The following IL16 variants were observed in gnomAD, a reference collection of about 807,000 sequenced individuals.
IL16 encodes the protein interleukin 16.
Under a neutral mutation model 110.1 loss-of-function variants are expected in IL16, and 67 were observed. The ratio of observed to expected loss-of-function variants is 0.61; its 90% CI spans 0.50 to 0.75. The LOEUF (loss-of-function observed/expected upper bound fraction) is 0.75, where lower values mean the gene tolerates loss of function less well. Among genes scored for constraint, IL16 ranks in the 30% least tolerant of loss-of-function variants. IL16 has a pLI of 0.00. For missense variants in IL16, 1,545 were observed against 1,655.0 expected, an observed-to-expected ratio of 0.93 and a Z score of 1.15; for synonymous variants, 689 against 662.9, an observed-to-expected ratio of 1.04 and a Z score of -0.61.
At chr15:81,291,793 C>T (rs951463769) in intron 11 of IL16, 2 of 409,784 alleles carry the variant, frequency 4.9e-6, no homozygotes, top group Non-Finnish European at 1.0e-5. Context: ...CCTCACCTCA[C>T]CCTCAACTGG....
At chr15:81,205,319 A>G (rs1164081109) in intron 1 of IL16, among the ~76,000 whole-genome samples, 1 of 151,974 alleles carries the variant, frequency 6.6e-6, no homozygotes, top group Non-Finnish European at 1.5e-5. Flanking sequence ...AAAAAAAAAA[A>G]AATCTTGAGA....
At chr15:81,265,559 C>A in intron 3 of IL16, 100 bp from the exon 4 acceptor site, 1 of 1,350,712 alleles carries the variant, frequency 7.4e-7, no homozygotes, top group Non-Finnish European at 1.0e-6. Flanking sequence ...TTTACAGTCA[C>A]ACTGGCCCCT....
chr15:81,288,675 A>G (rs1899561748), intron 10 of IL16, among the ~76,000 whole-genome samples: 1 of 152,130 alleles, frequency 6.6e-6, no homozygotes, highest in African/African-American at 2.4e-5. Context: ...TGTGATTTTG[A>G]CTACTCTACG....
intron 1 of IL16, among the ~76,000 whole-genome samples, chr15:81,206,139 A>G (rs1896009165): frequency 6.6e-6 from 1 of 152,256 alleles, no homozygotes; most frequent in Non-Finnish European, 1.5e-5. Context: ...AAAATTGAAT[A>G]TGTGCTTACA....
At chr15:81,262,513 A>ATCAC (rs1898197337) in intron 3 of IL16, among the ~76,000 whole-genome samples, 1 of 152,062 alleles carries the variant, frequency 6.6e-6, no homozygotes, top group South Asian at 2.1e-4. Flanking sequence ...TGAATAGAGA[A>ATCAC]TTATTCTAGC....
At position 81,299,510 on chromosome 15, in the gene IL16, C is replaced by T; in HGVS notation, c.2184C>T (p.Ile728=). ...SDCIKNLFSP[I]MSENHGHMPL... is the part of the protein sequence containing the mutation. ...GCATCAAAAACTTATTTAGCCCCAT[C>T]ATGAGTGAGAACCATGGCCACATGC... The change falls in exon 14 of 19, where the codon ATC becomes ATT. Residue 728 remains isoleucine, a synonymous_variant. Transcript: ENST00000683961. 6.2e-7 allele frequency: 1 copy of T among 1,614,210 alleles called. No individual in the cohort carries two copies. The highest frequency in any genetic ancestry group is 1.1e-5 in the South Asian group (1 of 91,090).
Position 81,290,547 on chromosome 15 carries a change from C to G in IL16, c.1420+7C>G. 1 of 1,584,162 alleles carries G rather than the reference C, an allele frequency of 6.3e-7. No individual in the cohort carries two copies. The highest frequency in any genetic ancestry group is 8.7e-7 in the Non-Finnish European group (1 of 1,154,766). ...CATCAGTGGAGTCTGGAAGGTAAGA[C>G]AAATGGTGAACTTTGATGTAAAATA... On this transcript the variant is annotated splice_region_variant and intron_variant, in intron 11 of 18. Transcript: ENST00000683961.
intron 4 of IL16, among the ~76,000 whole-genome samples, chr15:81,266,557 C>T (rs914564696): frequency 6.6e-6 from 1 of 152,198 alleles, no homozygotes; most frequent in Non-Finnish European, 1.5e-5. Context: ...CTTTCAGCCC[C>T]AGCCAAAGCA....
At chr15:81,235,355 T>C (rs1267325985) in intron 2 of IL16, among the ~76,000 whole-genome samples, 1 of 152,024 alleles carries the variant, frequency 6.6e-6, no homozygotes, top group African/African-American at 2.4e-5. Context: ...TGATGGAAGA[T>C]GAAGAGGGAA....
Position 81,232,067 on chromosome 15 carries a change from C to CT in IL16, c.312+6366dup, listed in dbSNP as rs1188437602. Among the ~76,000 whole-genome samples, 453 of 54,296 alleles carry CT rather than the reference C, an allele frequency of 8.3e-3. 3 individuals carry two copies. Among genetic ancestry groups the CT allele is most frequent in the African/African-American group, 0.028 (411 of 14,682 alleles). 35.6% of individuals were successfully genotyped at this position (54,296 alleles called of 152,430 possible). On this transcript the variant is annotated intron_variant, in intron 2 of 18. Transcript: ENST00000683961. The stretch of plus-strand genomic sequence containing the variant: ...GTTTTTTTTTTTTTTTTTTTTTTTT[C>CT]TTTTTTTTTTCACATTTGTTCTTAA...
chr15:81,260,891 T>C (rs184063584), intron 3 of IL16, among the ~76,000 whole-genome samples: 1 of 152,380 alleles, frequency 6.6e-6, no homozygotes, highest in East Asian at 1.9e-4. Flanking sequence ...TATTCTAGCA[T>C]AATTTTCTAG....
In IL16 at chr15:81,245,297, A is replaced by G. The variant is rs910973382; in HGVS notation, c.313-14475A>G. Among the ~76,000 whole-genome samples, 7 of 152,146 alleles carry G rather than the reference A, an allele frequency of 4.6e-5. No individual in the cohort carries two copies. In the South Asian group the frequency reaches 1.2e-3, roughly 27 times the overall value. ...ACCTTCCATTTTAGCTGCCTTTGAC[A>G]TTATTCTTGCGAGTGTGGGGAAGGG... On this transcript the variant is annotated intron_variant, in intron 2 of 18. Transcript: ENST00000683961.
intron 2 of IL16, among the ~76,000 whole-genome samples, chr15:81,248,998 G>A (rs1455047759): frequency 6.6e-6 from 1 of 152,012 alleles, no homozygotes; most frequent in Non-Finnish European, 1.5e-5. Context: ...TGGGATTACA[G>A]ACAGACATAA....
rs780596862 is a variant in IL16 at position 81,292,739 on chromosome 15, C to G, written c.1604C>G (p.Ser535Cys). ...AGTGGCAGTGCTGAGAAGCCGTCCTCTGACGTGGACATCAGCACACACAGC... is the reference window on the plus strand; with the variant it reads ...AGTGGCAGTGCTGAGAAGCCGTCCTGTGACGTGGACATCAGCACACACAGC... ...PGSGSAEKPS[S>C]DVDISTHSPS... Residue 535 changes from serine (S) to cysteine (C), a missense_variant, in exon 12 of 19, where the codon TCT becomes TGT. Ser to Cys is a moderately radical substitution (Grantham distance 112). Around this residue, in one of 3 missense-constraint regions of IL16, gnomAD observed 1,185 missense variants for 1,238.8 expected, o/e 0.96. Coordinates refer to ENST00000683961, the MANE Select transcript of IL16 (RefSeq NM_172217.5). The G allele has an allele frequency of 6.2e-7, 1 of 1,614,202 alleles. No individual in the cohort carries two copies. Among genetic ancestry groups the G allele is most frequent in the Non-Finnish European group, 8.5e-7 (1 of 1,180,032 alleles).
intron 12 of IL16, 41 bp from the exon 13 acceptor site, chr15:81,296,887 C>T: frequency 6.5e-7 from 1 of 1,544,034 alleles, no homozygotes; most frequent in Non-Finnish European, 8.8e-7. Flanking sequence ...CAGCTTGAGG[C>T]TACCGTTTTG....
chr15:81,301,214 TA>T, intron 14 of IL16, 129 bp from the exon 15 acceptor site: 1 of 680,830 alleles, frequency 1.5e-6, no homozygotes, highest in Admixed American at 3.2e-5. Flanking sequence ...TATCTACTCA[TA>T]GATTTGTTGC....
At chr15:81,274,969 C>G (rs1230317961) in intron 6 of IL16, among the ~76,000 whole-genome samples, 1 of 152,002 alleles carries the variant, frequency 6.6e-6, no homozygotes, top group Non-Finnish European at 1.5e-5. Flanking sequence ...GCCCCAGGCT[C>G]CAGCTCCAAG....
intron 2 of IL16, among the ~76,000 whole-genome samples, chr15:81,244,717 C>CA (rs1283391906): frequency 2.0e-5 from 3 of 152,134 alleles, no homozygotes; most frequent in African/African-American, 7.2e-5. Flanking sequence ...TCTGTAATTT[C>CA]ATCTCTTTTC....
chr15:81,187,815 T>C (rs986899807), intron 1 of IL16, among the ~76,000 whole-genome samples: 9 of 152,210 alleles, frequency 5.9e-5, no homozygotes, highest in Non-Finnish European at 1.3e-4. Context: ...TGAGTTCAAG[T>C]GCAGACTTTG....
Sources: gnomAD v4.1 joint callset for allele counts (sites outside exome capture counted in the v4.1 genomes callset) on GRCh38, gnomAD v4.1.1 for gene constraint, gnomAD v4.1.1 regional missense constraint, MANE v1.5 for transcripts, NCBI Gene and HGNC (gene_info 2026-07-23, HGNC 2026-07-21) for gene names.